Variants in CDH20 observed in about 807,000 individuals in gnomAD.
CDH20 encodes cadherin-20.
A neutral mutation model predicts 74.2 loss-of-function variants in CDH20; 29 were observed. The observed-to-expected ratio is 0.39, with a 90% confidence interval of 0.29 to 0.53. The LOEUF (loss-of-function observed/expected upper bound fraction) is 0.53. Among genes scored for constraint, CDH20 ranks in the 20% least tolerant of loss-of-function variants. The pLI is 0.69. For missense variants in CDH20, 988 were observed against 1,048.3 expected (o/e 0.94, Z 0.79); for synonymous variants, 469 against 405.4 (o/e 1.16, Z -1.88).
chr18:61,528,446 G>GACAC lies in CDH20; in HGVS notation c.1271+259_1271+262dup, dbSNP rs1555683467. 2.4e-3 allele frequency among the ~76,000 whole-genome samples: 234 copies of GACAC among 97,724 alleles called. 1 individual carries two copies. Among genetic ancestry groups the GACAC allele is most frequent in the African/African-American group, 7.2e-3 (222 of 30,794 alleles). 64.1% of individuals were successfully genotyped at this position (97,724 alleles called of 152,430 possible). Reference sequence around the variant, plus strand: ...TTATAACTCACTTTCAATTGGTTGAGACACACACACACACACACACACACA... The same window carrying GACAC: ...TTATAACTCACTTTCAATTGGTTGAGACACACACACACACACACACACACACACA... On this transcript the variant is annotated intron_variant, in intron 7 of 11. Coordinates refer to ENST00000262717, the MANE Select transcript of CDH20 (RefSeq NM_031891.4).
chr18:61,516,297 C>T (rs112368960), intron 6 of CDH20, among the ~76,000 whole-genome samples: 4,293 of 152,250 alleles, frequency 0.028, 127 homozygotes, highest in African/African-American at 0.071. Flanking sequence ...GTTTTTGCTA[C>T]GCTTTGAGTT....
chr18:61,379,012 C>T (rs556827391), intron 1 of CDH20, among the ~76,000 whole-genome samples: 1 of 151,834 alleles, frequency 6.6e-6, no homozygotes, highest in African/African-American at 2.4e-5. Context: ...TAAAGACTTC[C>T]TGAGATTACT....
intron 1 of CDH20, among the ~76,000 whole-genome samples, chr18:61,409,250 G>A (rs1912421000): frequency 6.6e-6 from 1 of 152,188 alleles, no homozygotes; most frequent in African/African-American, 2.4e-5. Flanking sequence ...CTGTGGAGAA[G>A]GGAGGTCCCC....
chr18:61,502,869 C>T, intron 4 of CDH20, 84 bp from the exon 5 acceptor site: 7 of 1,132,448 alleles, frequency 6.2e-6, no homozygotes, highest in Non-Finnish European at 5.0e-6. Context: ...ATTAATGGTG[C>T]ACCAGGGAGA....
chr18:61,446,173 A>G (rs1277655322), intron 1 of CDH20, among the ~76,000 whole-genome samples: 1 of 152,200 alleles, frequency 6.6e-6, no homozygotes, highest in Non-Finnish European at 1.5e-5. Flanking sequence ...AAATTACACT[A>G]TACTTCACGA....
At chr18:61,505,342 T>G (rs1367198195) in intron 5 of CDH20, among the ~76,000 whole-genome samples, 21 of 150,004 alleles carry the variant, frequency 1.4e-4, no homozygotes, top group African/African-American at 5.2e-4. Context: ...TATCTTTTTT[T>G]TTTTTTTTTT....
chr18:61,509,245 A>G (rs73963310), intron 6 of CDH20, among the ~76,000 whole-genome samples: 4,544 of 152,244 alleles, frequency 0.03, 211 homozygotes, highest in African/African-American at 0.1. Context: ...AAATAAATAA[A>G]TTGGGTGATT....
chr18:61,507,690 A>T (rs1480114780), intron 6 of CDH20, 130 bp downstream of exon 6: 9 of 318,248 alleles, frequency 2.8e-5, no homozygotes, highest in Non-Finnish European at 3.6e-5. Context: ...CCTATTATTT[A>T]AAAAAAAAAA....
At chr18:61,513,214 T>C (rs1319351371) in intron 6 of CDH20, among the ~76,000 whole-genome samples, 1 of 146,416 alleles carries the variant, frequency 6.8e-6, no homozygotes, top group East Asian at 2.0e-4. Context: ...ATATTTAGGA[T>C]AGTTAGCTCT....
chr18:61,340,839 A>G (rs566977317), intron 1 of CDH20, among the ~76,000 whole-genome samples: 3 of 152,364 alleles, frequency 2.0e-5, no homozygotes, highest in East Asian at 3.9e-4. Flanking sequence ...AAAATTGGAT[A>G]AAGAAATTTC....
intron 1 of CDH20, among the ~76,000 whole-genome samples, chr18:61,413,322 T>C (rs1912573801): frequency 6.6e-6 from 1 of 150,802 alleles, no homozygotes; most frequent in Admixed American, 6.7e-5. Flanking sequence ...AAACCTGGCC[T>C]TGGAATGCAA....
At chr18:61,538,620 GTTTTGTTTTT>G (rs1277950453) in intron 8 of CDH20, among the ~76,000 whole-genome samples, 2 of 41,544 alleles carry the variant, frequency 4.8e-5, no homozygotes, top group African/African-American at 1.4e-4. Context: ...TTTTGTTTTT[GTTTTGTTTTT>G]TTTTTTGAGA....
At chr18:61,554,147 C>T in intron 11 of CDH20, 43 bp from the exon 12 acceptor site, 1 of 1,575,470 alleles carries the variant, frequency 6.3e-7, no homozygotes, top group Non-Finnish European at 8.6e-7. Flanking sequence ...CACACACAGC[C>T]ACATCTCCTC....
chr18:61,383,374 A>G (rs1280969706), intron 1 of CDH20, among the ~76,000 whole-genome samples: 2 of 152,160 alleles, frequency 1.3e-5, no homozygotes, highest in African/African-American at 4.8e-5. Flanking sequence ...TGAGGTCAGG[A>G]GTACAAGACC....
chr18:61,385,210 A>T (rs1339951506), intron 1 of CDH20, among the ~76,000 whole-genome samples: 4 of 152,224 alleles, frequency 2.6e-5, no homozygotes, highest in Non-Finnish European at 4.4e-5. Flanking sequence ...GACAGCCAAT[A>T]TCTACTAATG....
rs72456051 is a variant in CDH20, at chr18:61,488,083, T to TAC, written c.-152-2318_-152-2317insCA. Among the ~76,000 whole-genome samples, 2 of 150,594 alleles carry TAC rather than the reference T, an allele frequency of 1.3e-5. 1 individual carries two copies. Among genetic ancestry groups the TAC allele is most frequent in the Admixed American group, 1.3e-4 (2 of 14,976 alleles). ...ACACTAAATAGAATACGTACATACA[T>TAC]ATATATATATATGTACGTATATATG... On this transcript the variant is annotated intron_variant, in intron 1 of 11. Coordinates refer to ENST00000262717, the MANE Select transcript of CDH20 (RefSeq NM_031891.4).
At chr18:61,376,189 G>A (rs1448591034) in intron 1 of CDH20, among the ~76,000 whole-genome samples, 2 of 151,958 alleles carry the variant, frequency 1.3e-5, no homozygotes, top group African/African-American at 2.4e-5. Context: ...CATATCAAAT[G>A]TATGAAAGAT....
At chr18:61,440,125 C>T (rs1026277871) in intron 1 of CDH20, among the ~76,000 whole-genome samples, 5 of 152,200 alleles carry the variant, frequency 3.3e-5, no homozygotes, top group Admixed American at 2.0e-4. Context: ...CACCTCACTC[C>T]TTTGCCTATG....
At chr18:61,499,561 C>T (rs1309739023) in intron 3 of CDH20, 81 bp downstream of exon 3, 1 of 1,087,838 alleles carries the variant, frequency 9.2e-7, no homozygotes, top group Admixed American at 2.2e-5. Context: ...CATGCACACA[C>T]ACATGTAGAT....
Sources: allele counts gnomAD v4.1 joint callset (sites outside exome capture counted in the v4.1 genomes callset), GRCh38; gene constraint gnomAD v4.1.1; transcripts MANE v1.5; gene names NCBI Gene and HGNC (gene_info 2026-07-23, HGNC 2026-07-21).